C3orf70: variants seen among roughly 807,000 people sequenced by gnomAD.
C3orf70 encodes UPF0524 protein C3orf70.
A neutral mutation model predicts 20.7 loss-of-function variants in C3orf70; 15 were observed. The ratio of observed to expected loss-of-function variants is 0.72; its 90% CI spans 0.48 to 1.11. The LOEUF (loss-of-function observed/expected upper bound fraction) is 1.11, where lower values mean the gene tolerates loss of function less well. Ranked by LOEUF, C3orf70 falls within the 50% of genes most tolerant of loss-of-function variation. The pLI is 0.00. For synonymous variants in C3orf70, 161 were observed against 125.7 expected (o/e 1.28, Z -1.88); for missense variants, 332 against 317.6 (o/e 1.05, Z -0.34).
At chr3:185,113,652 C>G (rs1431314004) in intron 1 of C3orf70, among the ~76,000 whole-genome samples, 1 of 152,020 alleles carries the variant, frequency 6.6e-6, no homozygotes, top group African/African-American at 2.4e-5. Flanking sequence ...AAGTAAAATT[C>G]CAGTTGTGAT....
chr3:185,110,131 C>T (rs1051337671), intron 1 of C3orf70, among the ~76,000 whole-genome samples: 10 of 152,076 alleles, frequency 6.6e-5, no homozygotes, highest in South Asian at 2.1e-4. Flanking sequence ...TGATATGGCC[C>T]GCTGTAGGAG....
At chr3:185,152,151 C>T (rs965056836) in intron 1 of C3orf70, among the ~76,000 whole-genome samples, 1 of 152,044 alleles carries the variant, frequency 6.6e-6, no homozygotes, top group Non-Finnish European at 1.5e-5. Context: ...ATTGGATATC[C>T]AAGGGCTCCT....
intron 1 of C3orf70, among the ~76,000 whole-genome samples, chr3:185,135,780 C>A (rs1716611745): frequency 1.3e-5 from 2 of 151,018 alleles, no homozygotes; most frequent in African/African-American, 2.4e-5. Context: ...AATATGGTGT[C>A]AATAAAAAAT....
At chr3:185,151,636 G>C (rs1331169776) in intron 1 of C3orf70, among the ~76,000 whole-genome samples, 1 of 152,124 alleles carries the variant, frequency 6.6e-6, no homozygotes, top group East Asian at 1.9e-4. Flanking sequence ...ATAAGGATTT[G>C]TTATGTACTG....
chr3:185,110,895 A>C (rs778781947), intron 1 of C3orf70, among the ~76,000 whole-genome samples: 2 of 152,224 alleles, frequency 1.3e-5, no homozygotes, highest in African/African-American at 4.8e-5. Context: ...GCTTGCTGTT[A>C]ATAAATATGT....
At chr3:185,122,180 A>C (rs9875076) in intron 1 of C3orf70, among the ~76,000 whole-genome samples, 7,843 of 152,154 alleles carry the variant, frequency 0.052, 663 homozygotes, top group African/African-American at 0.18. Flanking sequence ...GTGACTATAT[A>C]AATATCAAAG....
chr3:185,082,086 TGAA>T lies in C3orf70; in HGVS notation c.*918_*920del, dbSNP rs1233899037. The stretch of plus-strand genomic sequence containing the variant: ...ACTTCCTAAGAGTTTTTCCCAGACT[TGAA>T]GAACAATTAAAAGCAGAAAAATGTT... On this transcript the variant is annotated 3_prime_UTR_variant, in exon 2 of 2. Coordinates refer to ENST00000335012, the MANE Select transcript of C3orf70 (RefSeq NM_001025266.3). 1.3e-5 allele frequency: 2 copies of T among 152,100 alleles called. No individual in the cohort carries two copies. Among genetic ancestry groups the T allele is most frequent in the East Asian group, 1.9e-4 (1 of 5,192 alleles). The allele number at this position is 152,100 out of a possible 1,614,324, so 9.4% of individuals were successfully genotyped here.
chr3:185,104,657 GA>G (rs1386271956), intron 1 of C3orf70, among the ~76,000 whole-genome samples: 6 of 150,764 alleles, frequency 4.0e-5, no homozygotes, highest in African/African-American at 1.5e-4. Context: ...AAAAAAGAAT[GA>G]GATCAAGTCC....
chr3:185,097,888 C>T (rs1715744035), intron 1 of C3orf70, among the ~76,000 whole-genome samples: 3 of 152,144 alleles, frequency 2.0e-5, no homozygotes, highest in South Asian at 2.1e-4. Context: ...TATTTGTCCA[C>T]GTTATGTGTG....
intron 1 of C3orf70, among the ~76,000 whole-genome samples, chr3:185,103,506 A>T (rs1036715055): frequency 2.0e-5 from 3 of 151,948 alleles, no homozygotes; most frequent in African/African-American, 4.9e-5. Context: ...TACAAGAAAA[A>T]AAAAACCATT....
At position 185,080,568 on chromosome 3, in the gene C3orf70, CA is replaced by C. The variant is rs1715313553; in HGVS notation, c.*2438del. 6.5e-6 allele frequency: 1 copy of C among 152,758 alleles called. No homozygotes were observed. Among genetic ancestry groups the C allele is most frequent in the Middle Eastern group, 3.2e-3 (1 of 316 alleles). The allele number at this position is 152,758 out of a possible 1,614,324, so 9.5% of individuals were successfully genotyped here. A position where few individuals can be genotyped will look rare whatever the true frequency, so the allele number is the denominator to read the frequency against. The stretch of plus-strand genomic sequence containing the variant: ...CGCCCATCTGGAGAACGGGCTCACC[CA>C]CAGGGTGAATCTAGACAGGGCCCTG... On this transcript the variant is annotated 3_prime_UTR_variant, in exon 2 of 2. Transcript: ENST00000335012.
At chr3:185,128,431 G>A (rs1202276839) in intron 1 of C3orf70, among the ~76,000 whole-genome samples, 1 of 151,976 alleles carries the variant, frequency 6.6e-6, no homozygotes. Context: ...GGGAGGCTGA[G>A]GCAGGAGAAT....
chr3:185,091,938 TATATATATATATATATATATATA>T (rs1715590118), intron 1 of C3orf70, among the ~76,000 whole-genome samples: 1 of 4,710 alleles, frequency 2.1e-4, no homozygotes, highest in African/African-American at 1.0e-3. Flanking sequence ...TATATATATA[TATATATATATATATATATATATA>T]TATTTTTTTT....
At position 185,152,493 on chromosome 3, in the gene C3orf70, G is replaced by A. The variant is rs1001306511; in HGVS notation, c.196+135C>T. ...CTCCGGCGGGCCCGGAGCCCACGGC[G>A]GCCCCAGCCTCCGGCAGAGCAGCCC... On this transcript the variant is annotated intron_variant, in intron 1 of 1. Transcript: ENST00000335012. The A allele has an allele frequency of 6.4e-6, 4 of 627,114 alleles. No homozygotes were observed. The East Asian group carries it at 1.5e-4, about 23-fold the overall frequency. 38.8% of individuals were successfully genotyped at this position (627,114 alleles called of 1,614,324 possible).
Position 185,091,912 on chromosome 3 carries a change from CATATATATATATATATATATATAT to C in C3orf70, c.197-8373_197-8350del, listed in dbSNP as rs869291177. Among the ~76,000 whole-genome samples, 209 of 35,882 alleles carry C rather than the reference CATATATATATATATATATATATAT, an allele frequency of 5.8e-3. 14 individuals are homozygous for C. Among genetic ancestry groups the C allele is most frequent in the Middle Eastern group, 0.033 (1 of 30 alleles). 23.5% of individuals were successfully genotyped at this position (35,882 alleles called of 152,430 possible). A position where few individuals can be genotyped will look rare whatever the true frequency, so the allele number is the denominator to read the frequency against. ...ATACACACATACACACACACACATA[CATATATATATATATATATATATAT>C]ATATATATATATATATATATATATA... is the stretch of plus-strand genomic sequence containing the variant. On this transcript the variant is annotated intron_variant, in intron 1 of 1. Coordinates refer to ENST00000335012, the MANE Select transcript of C3orf70 (RefSeq NM_001025266.3).
In C3orf70 at chr3:185,077,356, C is replaced by T. The variant is rs988928548; in HGVS notation, c.*5651G>A. The stretch of plus-strand genomic sequence containing the variant: ...TCAAACCCTGACTGCCACTCATGTA[C>T]GAGCTGTGCCACACTGGGTAAAGAT... On this transcript the variant is annotated 3_prime_UTR_variant, in exon 2 of 2. Coordinates refer to ENST00000335012, the MANE Select transcript of C3orf70 (RefSeq NM_001025266.3). Among the ~76,000 whole-genome samples the T allele has an allele frequency of 6.6e-6, 1 of 152,120 alleles. No homozygotes were observed. The highest frequency in any genetic ancestry group is 1.9e-4 in the East Asian group (1 of 5,194).
intron 1 of C3orf70, among the ~76,000 whole-genome samples, chr3:185,127,518 C>A (rs1716437522): frequency 6.6e-6 from 1 of 152,186 alleles, no homozygotes; most frequent in African/African-American, 2.4e-5. Context: ...CGGTTCACTG[C>A]AACCTCTGCT....
intron 1 of C3orf70, among the ~76,000 whole-genome samples, chr3:185,122,613 C>T (rs1716327249): frequency 6.6e-6 from 1 of 152,152 alleles, no homozygotes; most frequent in South Asian, 2.1e-4. Flanking sequence ...ATGGACTTCC[C>T]ATTAGGGATC....
intron 1 of C3orf70, among the ~76,000 whole-genome samples, chr3:185,143,497 T>C (rs1490770322): frequency 6.6e-6 from 1 of 152,162 alleles, no homozygotes; most frequent in Non-Finnish European, 1.5e-5. Context: ...GGGAAGGCAT[T>C]GTACAGATAC....
Sources: allele counts gnomAD v4.1 joint callset (sites outside exome capture counted in the v4.1 genomes callset), GRCh38; gene constraint gnomAD v4.1.1; transcripts MANE v1.5; gene names NCBI Gene and HGNC (gene_info 2026-07-23, HGNC 2026-07-21).